Variants in KDM4C observed in about 807,000 individuals in gnomAD.
The protein encoded by KDM4C is lysine demethylase 4C, also known as lysine-specific demethylase 4C.
In KDM4C, 81 loss-of-function variants were observed where a neutral mutation model predicts 129.3. That is an observed-to-expected ratio of 0.63 (90% confidence interval 0.52 to 0.75). The LOEUF (loss-of-function observed/expected upper bound fraction) is 0.75. KDM4C is among the 30% of genes least tolerant of loss of function. KDM4C has a pLI of 0.00. For synonymous variants in KDM4C, 573 were observed against 456.1 expected (o/e 1.26, Z -3.26); for missense variants, 1,457 against 1,304.0 (o/e 1.12, Z -1.81).
chr9:7,166,668 T>A (rs1844420527), intron 20 of KDM4C, among the ~76,000 whole-genome samples: 1 of 152,142 alleles, frequency 6.6e-6, no homozygotes, highest in African/African-American at 2.4e-5. Context: ...AATAAAATAA[T>A]TACATTTAAT....
chr9:6,775,747 C>G (rs1377457572), intron 1 of KDM4C, among the ~76,000 whole-genome samples: 1 of 152,098 alleles, frequency 6.6e-6, no homozygotes, highest in African/African-American at 2.4e-5. Context: ...GTCTCGAACT[C>G]CTGACCTCAG....
At chr9:6,721,170 C>T (rs922330660) in intron 1 of KDM4C, 1 of 478,074 alleles carries the variant, frequency 2.1e-6, no homozygotes. Flanking sequence ...ACATCCCAGG[C>T]TCAGGTGATT....
chr9:6,792,402 C>T (rs1314316887), intron 1 of KDM4C, among the ~76,000 whole-genome samples: 2 of 152,004 alleles, frequency 1.3e-5, no homozygotes, highest in East Asian at 1.9e-4. Context: ...CTTACTCTGT[C>T]GCTCAGACCA....
intron 19 of KDM4C, among the ~76,000 whole-genome samples, chr9:7,135,536 G>C (rs1017911096): frequency 6.6e-6 from 1 of 152,108 alleles, no homozygotes; most frequent in African/African-American, 2.4e-5. Context: ...AAACCCATGG[G>C]CAGCGGGCAC....
chr9:6,818,101 C>G (rs1009904412), intron 4 of KDM4C, among the ~76,000 whole-genome samples: 6 of 152,114 alleles, frequency 3.9e-5, no homozygotes, highest in African/African-American at 1.4e-4. Flanking sequence ...TTTGGTCTTT[C>G]TGTTTTATGT....
At chr9:6,914,845 G>A (rs1820016183) in intron 8 of KDM4C, among the ~76,000 whole-genome samples, 1 of 152,236 alleles carries the variant, frequency 6.6e-6, no homozygotes, top group South Asian at 2.1e-4. Context: ...AAATCTGCTG[G>A]CACCTTGGTC....
chr9:6,977,256 C>A (rs1056870007), intron 8 of KDM4C, among the ~76,000 whole-genome samples: 2 of 152,078 alleles, frequency 1.3e-5, no homozygotes, highest in Non-Finnish European at 2.9e-5. Context: ...GGGTTCTTTT[C>A]ATAATTGTTG....
intron 8 of KDM4C, among the ~76,000 whole-genome samples, chr9:6,951,402 G>A (rs1388091092): frequency 6.6e-6 from 1 of 152,106 alleles, no homozygotes; most frequent in Non-Finnish European, 1.5e-5. Context: ...GTTTCTTCTA[G>A]TCATGATCTG....
intron 15 of KDM4C, among the ~76,000 whole-genome samples, chr9:7,021,034 A>T (rs1238591074): frequency 3.3e-5 from 5 of 150,148 alleles, no homozygotes; most frequent in African/African-American, 1.2e-4. Flanking sequence ...TCATGTGTTC[A>T]ATTAGTTTTT....
At chr9:6,739,657 T>C (rs1341960779) in intron 1 of KDM4C, among the ~76,000 whole-genome samples, 1 of 150,884 alleles carries the variant, frequency 6.6e-6, no homozygotes, top group African/African-American at 2.4e-5. Flanking sequence ...TTTTGCAAGT[T>C]AGAGCTTTTG....
rs527617395 is a variant in KDM4C, at chr9:6,958,181, G to A, written c.922-22744G>A. Among the ~76,000 whole-genome samples, 58 of 151,498 alleles carry A rather than the reference G, an allele frequency of 3.8e-4. No individual in the cohort carries two copies. The East Asian group carries it at 0.011, about 28-fold the overall frequency. ...GGTGTTTCCAAAAGTGACTCACAAT[G>A]CCGTCTTTCACCTGTTAACTCTGCA... On this transcript the variant is annotated intron_variant, in intron 8 of 21. Coordinates refer to ENST00000381309, the MANE Select transcript of KDM4C (RefSeq NM_015061.6).
chr9:6,983,177 G>A (rs991164688), intron 9 of KDM4C, among the ~76,000 whole-genome samples: 4 of 152,128 alleles, frequency 2.6e-5, no homozygotes, highest in Admixed American at 6.6e-5. Flanking sequence ...ATAGGTTATC[G>A]CAGGCCACCC....
At chr9:7,128,333 G>T (rs990321066) in intron 19 of KDM4C, 97 bp downstream of exon 19, 5 of 878,696 alleles carry the variant, frequency 5.7e-6, no homozygotes, top group Non-Finnish European at 8.2e-6. Flanking sequence ...GGCTTTTTGA[G>T]TAGCTCATTC....
At position 6,878,326 on chromosome 9, in the gene KDM4C, G is replaced by C. The variant is rs539775390; in HGVS notation, c.630-1686G>C. ...TTAGTTATGATTTTAAAATGAACTT[G>C]ATATTTATAGAATTTGAAAAGAAAT... On this transcript the variant is annotated intron_variant, in intron 5 of 21. Coordinates refer to ENST00000381309, the MANE Select transcript of KDM4C (RefSeq NM_015061.6). Among the ~76,000 whole-genome samples the C allele has an allele frequency of 5.9e-5, 9 of 152,262 alleles. No homozygotes were observed. The South Asian group carries it at 1.9e-3, about 32-fold the overall frequency.
At chr9:6,806,518 T>C (rs142625917) in intron 3 of KDM4C, among the ~76,000 whole-genome samples, 44 of 151,314 alleles carry the variant, frequency 2.9e-4, no homozygotes, top group African/African-American at 9.9e-4. Flanking sequence ...AATAAATAAA[T>C]AAATAAATAA....
At chr9:7,167,268 C>T (rs572124972) in intron 20 of KDM4C, among the ~76,000 whole-genome samples, 1 of 152,314 alleles carries the variant, frequency 6.6e-6, no homozygotes, top group Non-Finnish European at 1.5e-5. Flanking sequence ...TCCCTGCTTG[C>T]CTGGGACCAT....
chr9:6,783,290 T>TA (rs1824765891), intron 1 of KDM4C, among the ~76,000 whole-genome samples: 1 of 152,196 alleles, frequency 6.6e-6, no homozygotes, highest in Admixed American at 6.5e-5. Flanking sequence ...AGAGGCAAGC[T>TA]AAACTGTGGA....
intron 17 of KDM4C, among the ~76,000 whole-genome samples, chr9:7,084,933 C>T (rs1834939655): frequency 6.6e-6 from 1 of 152,148 alleles, no homozygotes; most frequent in African/African-American, 2.4e-5. Flanking sequence ...AAGTGTTGTG[C>T]CATGAGAGTG....
At chr9:6,925,283 A>G in intron 8 of KDM4C, 3 of 985,262 alleles carry the variant, frequency 3.0e-6, no homozygotes, top group Non-Finnish European at 3.6e-6. Flanking sequence ...TTACTATGGG[A>G]AAATATAATA....
Sources: allele counts gnomAD v4.1 joint callset (sites outside exome capture counted in the v4.1 genomes callset), GRCh38; gene constraint gnomAD v4.1.1; transcripts MANE v1.5; gene names NCBI Gene and HGNC (gene_info 2026-07-23, HGNC 2026-07-21).